ADARB1: variants seen among roughly 807,000 people sequenced by gnomAD.
ADARB1 encodes adenosine deaminase RNA specific B1.
ADARB1 carries 10 observed loss-of-function variants against 52.4 expected under a neutral mutation model. The ratio of observed to expected loss-of-function variants is 0.19; its 90% CI spans 0.12 to 0.32. ADARB1 has a LOEUF of 0.32. ADARB1 is among the 10% of genes least tolerant of loss of function. The pLI, the probability that ADARB1 is intolerant of heterozygous loss-of-function variation, is 1.00. For missense variants in ADARB1, 643 were observed against 922.3 expected, an observed-to-expected ratio of 0.70 and a Z score of 3.92; for synonymous variants, 349 against 371.1, an observed-to-expected ratio of 0.94 and a Z score of 0.68.
Position 45,221,905 on chromosome 21 carries a change from T to C in ADARB1, c.1927-113T>C. ...CAGAAGGCGCCTTCCTCTGGGTTGC[T>C]TTCCCCCCAGAAGCCAATGCAGTTC... On this transcript the variant is annotated intron_variant, in intron 10 of 10. Coordinates refer to ENST00000348831, the MANE Select transcript of ADARB1 (RefSeq NM_001112.4). This position sits in a 1 kb window ranked among gnomAD's most constrained non-coding sequence, Gnocchi z 4.9. 1.6e-6 allele frequency: 2 copies of C among 1,214,294 alleles called. No individual in the cohort carries two copies. Among genetic ancestry groups the C allele is most frequent in the Non-Finnish European group, 1.2e-6 (1 of 868,196 alleles). The allele number at this position is 1,214,294 out of a possible 1,614,324, so 75.2% of individuals were successfully genotyped here.
At chr21:45,104,355 C>T (rs1027839743) in intron 1 of ADARB1, among the ~76,000 whole-genome samples, 2 of 152,086 alleles carry the variant, frequency 1.3e-5, no homozygotes, top group Non-Finnish European at 2.9e-5. Flanking sequence ...TGTAAAGGAG[C>T]ATTGTCAGGG....
intron 1 of ADARB1, among the ~76,000 whole-genome samples, chr21:45,088,612 A>C (rs576403593): frequency 6.6e-6 from 1 of 152,378 alleles, no homozygotes; most frequent in East Asian, 1.9e-4. Context: ...GGAAATAGTT[A>C]CTTCAGGTGA....
chr21:45,222,968 TTTTCTCAG>T lies in ADARB1; in HGVS notation c.*775_*782del, dbSNP rs1245121308. On this transcript the variant is annotated 3_prime_UTR_variant, in exon 11 of 11. Coordinates refer to ENST00000348831, the MANE Select transcript of ADARB1 (RefSeq NM_001112.4). ...CTTGTAGGATCAGATCATGGAAAAC[TTTTCTCAG>T]TTTACTTCTAAGTAATCACAGATAA... 1.2e-4 allele frequency: 116 copies of T among 985,346 alleles called. No individual in the cohort carries two copies. The highest frequency in any genetic ancestry group is 1.4e-4 in the Non-Finnish European group (115 of 829,952). 61.0% of individuals were successfully genotyped at this position (985,346 alleles called of 1,614,324 possible).
At chr21:45,167,081 G>A (rs2091281967) in intron 2 of ADARB1, among the ~76,000 whole-genome samples, 1 of 152,158 alleles carries the variant, frequency 6.6e-6, no homozygotes, top group South Asian at 2.1e-4. Flanking sequence ...GTTGGCATTC[G>A]TCAAAACTGA....
At chr21:45,108,016 G>A (rs945766659) in intron 1 of ADARB1, among the ~76,000 whole-genome samples, 7 of 152,194 alleles carry the variant, frequency 4.6e-5, no homozygotes, top group African/African-American at 1.7e-4. Flanking sequence ...AGCCATGATG[G>A]TGCCACTCCA....
chr21:45,139,733 T>C (rs1479929161), intron 2 of ADARB1, among the ~76,000 whole-genome samples: 1 of 152,240 alleles, frequency 6.6e-6, no homozygotes, highest in African/African-American at 2.4e-5. Flanking sequence ...CCACTGCCTT[T>C]CTTATGCTAT....
chr21:45,104,359 G>T (rs1363391365), intron 1 of ADARB1, among the ~76,000 whole-genome samples: 1 of 152,168 alleles, frequency 6.6e-6, no homozygotes, highest in African/African-American at 2.4e-5. Flanking sequence ...AAGGAGCATT[G>T]TCAGGGAAGA....
At chr21:45,215,700 T>G (rs2092849420) in intron 9 of ADARB1, among the ~76,000 whole-genome samples, 2 of 152,230 alleles carry the variant, frequency 1.3e-5, no homozygotes, top group African/African-American at 4.8e-5. Flanking sequence ...GGGATAAACG[T>G]TATATGGTTA....
At chr21:45,201,194 A>G (rs1265237948) in intron 8 of ADARB1, among the ~76,000 whole-genome samples, 3 of 152,234 alleles carry the variant, frequency 2.0e-5, no homozygotes, top group Non-Finnish European at 4.4e-5. Flanking sequence ...TTTTATTTGC[A>G]TGGACGCTGA....
At chr21:45,171,836 G>A (rs1232939598) in intron 3 of ADARB1, 152 bp downstream of exon 3, 2 of 694,168 alleles carry the variant, frequency 2.9e-6, no homozygotes, top group East Asian at 2.9e-5. Context: ...AATTTTTGGT[G>A]TGTTCTCTGC....
intron 1 of ADARB1, among the ~76,000 whole-genome samples, chr21:45,079,564 T>TTGGG (rs1568988394): frequency 1.3e-5 from 2 of 152,070 alleles, no homozygotes; most frequent in Admixed American, 6.6e-5. Flanking sequence ...AGGACGAGGG[T>TTGGG]TGGGTCATTG....
intron 1 of ADARB1, among the ~76,000 whole-genome samples, chr21:45,096,209 G>GA (rs1343660953): frequency 6.6e-6 from 1 of 152,274 alleles, no homozygotes; most frequent in Non-Finnish European, 1.5e-5. Context: ...CCCAAGAGGA[G>GA]AGGAGGACCG....
chr21:45,213,739 TCATTGCTAAGTAGCATTG>T (rs1201836243), intron 9 of ADARB1, among the ~76,000 whole-genome samples: 1 of 152,104 alleles, frequency 6.6e-6, no homozygotes, highest in Non-Finnish European at 1.5e-5. Context: ...TCATTCCTTT[TCATTGCTAAGTAGCATTG>T]CACTGGGTGG....
chr21:45,119,888 G>T (rs2088060879), intron 1 of ADARB1, among the ~76,000 whole-genome samples: 1 of 152,226 alleles, frequency 6.6e-6, no homozygotes, highest in East Asian at 1.9e-4. Flanking sequence ...AAGCAAGAGT[G>T]TTGGTAATTG....
At chr21:45,216,607 C>T (rs529452189) in intron 9 of ADARB1, among the ~76,000 whole-genome samples, 1 of 152,112 alleles carries the variant, frequency 6.6e-6, no homozygotes, top group Non-Finnish European at 1.5e-5. Flanking sequence ...ATTTATTAGA[C>T]TTGGTTTTAT....
Position 45,224,653 on chromosome 21 carries a change from G to C in ADARB1, c.*2456G>C, listed in dbSNP as rs1458694928. 1.6e-5 allele frequency: 15 copies of C among 947,838 alleles called. No homozygotes were observed. In the South Asian group the frequency reaches 5.3e-4, roughly 33 times the overall value. The allele number at this position is 947,838 out of a possible 1,614,324, so 58.7% of individuals were successfully genotyped here. Reference sequence around the variant, plus strand: ...CCCTGGGCGGGGTGGCTGTCAGGGGGAACTGGGTTCCGGGAGCCCTGGGCC... The same window carrying C: ...CCCTGGGCGGGGTGGCTGTCAGGGGCAACTGGGTTCCGGGAGCCCTGGGCC... On this transcript the variant is annotated 3_prime_UTR_variant, in exon 11 of 11. Coordinates refer to ENST00000348831, the MANE Select transcript of ADARB1 (RefSeq NM_001112.4).
chr21:45,104,805 G>A (rs1468205519), intron 1 of ADARB1, among the ~76,000 whole-genome samples: 1 of 152,216 alleles, frequency 6.6e-6, no homozygotes, highest in African/African-American at 2.4e-5. Context: ...ACACAGAGCA[G>A]CTCCACACCT....
intron 1 of ADARB1, among the ~76,000 whole-genome samples, chr21:45,110,345 T>A (rs1229512917): frequency 5.3e-5 from 8 of 152,224 alleles, no homozygotes; most frequent in Non-Finnish European, 2.9e-5. Flanking sequence ...TCCCACGAAT[T>A]TGAAAACCAG....
chr21:45,169,608 G>A (rs1414247090), intron 2 of ADARB1, among the ~76,000 whole-genome samples: 1 of 152,122 alleles, frequency 6.6e-6, no homozygotes, highest in Admixed American at 6.5e-5. Flanking sequence ...ATAATATCCA[G>A]GATTTTTAGT....
Sources: allele counts gnomAD v4.1 joint callset (sites outside exome capture counted in the v4.1 genomes callset), GRCh38; gene constraint gnomAD v4.1.1; non-coding constraint Gnocchi (gnomAD v3.1); transcripts MANE v1.5; gene names NCBI Gene and HGNC (gene_info 2026-07-23, HGNC 2026-07-21).